ARHGEF12: variants seen among roughly 807,000 people sequenced by gnomAD.
The protein encoded by ARHGEF12 is Rho guanine nucleotide exchange factor 12.
ARHGEF12 carries 66 observed loss-of-function variants against 211.2 expected under a neutral mutation model. The observed-to-expected ratio is 0.31, with a 90% CI of 0.26 to 0.38. The LOEUF is 0.38. Among genes scored for constraint, ARHGEF12 ranks in the 10% least tolerant of loss-of-function variants. The pLI is 1.00. For synonymous variants in ARHGEF12, 592 were observed against 638.4 expected (o/e 0.93, Z 1.09); for missense variants, 1,429 against 1,869.5 (o/e 0.76, Z 4.34).
At chr11:120,412,893 T>G (rs1230041101) in intron 4 of ARHGEF12, among the ~76,000 whole-genome samples, 1 of 152,246 alleles carries the variant, frequency 6.6e-6, no homozygotes, top group Non-Finnish European at 1.5e-5. Context: ...TCCCCTTGAT[T>G]CTACCATCAC....
chr11:120,424,430 T>A lies in ARHGEF12; in HGVS notation c.406+15T>A, dbSNP rs372226982. On this transcript the variant is annotated intron_variant, in intron 7 of 40. Transcript: ENST00000397843. ...GCTAATCAAATGTAGGTGAATGTTATTCTTAGTTTTAATTGTTTTCTGAAA... is the reference window on the plus strand; with the variant it reads ...GCTAATCAAATGTAGGTGAATGTTAATCTTAGTTTTAATTGTTTTCTGAAA... The A allele has an allele frequency of 6.2e-7, 1 of 1,611,062 alleles. No homozygotes were observed. Among genetic ancestry groups the A allele is most frequent in the African/African-American group, 1.3e-5 (1 of 74,992 alleles).
intron 1 of ARHGEF12, among the ~76,000 whole-genome samples, chr11:120,353,941 A>G (rs10892564): frequency 0.44 from 66,218 of 151,962 alleles, 15,048 homozygotes; most frequent in African/African-American, 0.56. Flanking sequence ...TGGATGCCCA[A>G]CCCTGTGCTG....
At chr11:120,352,928 C>A (rs549180705) in intron 1 of ARHGEF12, among the ~76,000 whole-genome samples, 16 of 152,338 alleles carry the variant, frequency 1.1e-4, no homozygotes, top group Middle Eastern at 6.8e-3. Context: ...GCCCTGTACT[C>A]CCAGCCCATT....
chr11:120,360,272 C>T (rs1422082883), intron 1 of ARHGEF12, among the ~76,000 whole-genome samples: 5 of 152,104 alleles, frequency 3.3e-5, no homozygotes, highest in Non-Finnish European at 7.4e-5. Context: ...AAGGAACTTG[C>T]CTTTATCCTG....
intron 7 of ARHGEF12, among the ~76,000 whole-genome samples, chr11:120,424,961 G>A (rs913642049): frequency 6.6e-6 from 1 of 151,958 alleles, no homozygotes; most frequent in African/African-American, 2.4e-5. Context: ...AAATCTTTAG[G>A]GTTAAGAATT....
At chr11:120,458,807 A>G (rs1250965966) in intron 25 of ARHGEF12, 1 of 160,162 alleles carries the variant, frequency 6.2e-6, no homozygotes, top group Non-Finnish European at 1.4e-5. Context: ...GGCAAATTAG[A>G]TAACCAAAAG....
intron 32 of ARHGEF12, among the ~76,000 whole-genome samples, 190 bp from the exon 33 acceptor site, chr11:120,475,150 A>G (rs1451270146): frequency 6.6e-6 from 1 of 152,186 alleles, no homozygotes; most frequent in Non-Finnish European, 1.5e-5. Context: ...TTGGTCACAG[A>G]CTGACACTTC....
chr11:120,434,191 A>C (rs947754122), intron 11 of ARHGEF12, among the ~76,000 whole-genome samples: 1 of 152,202 alleles, frequency 6.6e-6, no homozygotes, highest in African/African-American at 2.4e-5. Context: ...GCTTAATAGG[A>C]ACTTTAACAA....
chr11:120,429,895 CAG>C (rs1945474353), intron 10 of ARHGEF12, 64 bp downstream of exon 10: 3 of 1,553,264 alleles, frequency 1.9e-6, no homozygotes, highest in Admixed American at 2.1e-5. Context: ...GGGAATGTGT[CAG>C]AGAATGTTGC....
At chr11:120,450,968 C>G (rs983794774) in intron 21 of ARHGEF12, 3 of 152,448 alleles carry the variant, frequency 2.0e-5, no homozygotes, top group Non-Finnish European at 4.4e-5. Flanking sequence ...TGCCTCACCC[C>G]TCCTCCATCT....
chr11:120,401,656 A>G (rs1259040381), intron 1 of ARHGEF12, among the ~76,000 whole-genome samples: 3 of 152,154 alleles, frequency 2.0e-5, no homozygotes, highest in Non-Finnish European at 4.4e-5. Flanking sequence ...GGTCAACACA[A>G]TTTCACTACA....
At position 120,385,233 on chromosome 11, in the gene ARHGEF12, G is replaced by A. The variant is rs915494802; in HGVS notation, c.33-20885G>A. 3.1e-5 allele frequency: 27 copies of A among 865,290 alleles called. 1 individual carries two copies. The South Asian group carries it at 1.1e-3, about 34-fold the overall frequency. The allele number at this position is 865,290 out of a possible 1,614,324, so 53.6% of individuals were successfully genotyped here. A position where few individuals can be genotyped will look rare whatever the true frequency, so the allele number is the denominator to read the frequency against. The stretch of plus-strand genomic sequence containing the variant: ...TGTTCTCTGTCTTTCCATTAGCAGC[G>A]CAGTGTTGGGCTTCGAATGATGATG... On this transcript the variant is annotated intron_variant, in intron 1 of 40. Coordinates refer to ENST00000397843, the MANE Select transcript of ARHGEF12 (RefSeq NM_015313.3).
In ARHGEF12 at chr11:120,437,422, C is replaced by T. The variant is rs1350058313; in HGVS notation, c.999+40C>T. The T allele has an allele frequency of 2.0e-6, 3 of 1,507,820 alleles. No individual in the cohort carries two copies. The Admixed American group carries it at 5.4e-5, about 27-fold the overall frequency. 93.4% of individuals were successfully genotyped at this position (1,507,820 alleles called of 1,614,324 possible). On this transcript the variant is annotated intron_variant, in intron 12 of 40. Coordinates refer to ENST00000397843, the MANE Select transcript of ARHGEF12 (RefSeq NM_015313.3). ...CATGCAATGATAGTGCTGTCTTTGG[C>T]TTTCCTTATACTTAAAGTATGGTAT...
Position 120,457,700 on chromosome 11 carries a change from CTT to C in ARHGEF12, c.2190-19_2190-18del. 6.3e-7 allele frequency: 1 copy of C among 1,582,752 alleles called. No individual in the cohort carries two copies. Among genetic ancestry groups the C allele is most frequent in the East Asian group, 2.2e-5 (1 of 44,560 alleles). Reference sequence around the variant, plus strand: ...ATCACCATTTTGTTTTCATGTTACTCTTTACTTTCCATTGTTTTAGGGTGACT... The same window carrying C: ...ATCACCATTTTGTTTTCATGTTACTCTACTTTCCATTGTTTTAGGGTGACT... On this transcript the variant is annotated intron_variant, in intron 23 of 40. Transcript: ENST00000397843.
At chr11:120,480,756 G>C (rs1252517597) in intron 38 of ARHGEF12, among the ~76,000 whole-genome samples, 6 of 152,182 alleles carry the variant, frequency 3.9e-5, no homozygotes, top group African/African-American at 1.4e-4. Flanking sequence ...TGAGGGGACG[G>C]AGAGTAATGA....
chr11:120,355,451 T>C (rs1457074318), intron 1 of ARHGEF12, among the ~76,000 whole-genome samples: 2 of 152,240 alleles, frequency 1.3e-5, no homozygotes, highest in Admixed American at 6.5e-5. Flanking sequence ...ACAAGGCAAA[T>C]GTTATTCCCA....
chr11:120,447,231 T>C, intron 18 of ARHGEF12, 146 bp downstream of exon 18: 2 of 886,412 alleles, frequency 2.3e-6, no homozygotes. Context: ...AACTGGATTT[T>C]TTTTTTCTTT....
At chr11:120,447,950 G>T (rs970360783) in intron 19 of ARHGEF12, 44 bp downstream of exon 19, 2 of 1,421,838 alleles carry the variant, frequency 1.4e-6, no homozygotes, top group Admixed American at 2.3e-5. Flanking sequence ...AAGAAAAAAA[G>T]AACTATGTTT....
intron 27 of ARHGEF12, 37 bp downstream of exon 27, chr11:120,460,794 G>A (rs1025666720): frequency 1.3e-6 from 2 of 1,534,034 alleles, no homozygotes; most frequent in African/African-American, 1.4e-5. Context: ...ATATTTTTAT[G>A]GACACTTGAT....
Sources: gnomAD v4.1 joint callset for allele counts (sites outside exome capture counted in the v4.1 genomes callset) on GRCh38, gnomAD v4.1.1 for gene constraint, MANE v1.5 for transcripts, NCBI Gene and HGNC (gene_info 2026-07-23, HGNC 2026-07-21) for gene names.